The following MYOCD variants were observed in gnomAD, a reference collection of about 807,000 sequenced individuals.
MYOCD encodes the protein myocardin.
A neutral mutation model predicts 96.1 loss-of-function variants in MYOCD; 32 were observed. That is an observed-to-expected ratio of 0.33 (90% CI 0.25 to 0.45). The LOEUF (loss-of-function observed/expected upper bound fraction) is 0.45. Ranked by LOEUF, MYOCD falls within the 20% of genes least tolerant of loss-of-function variation. The pLI, the probability that MYOCD is intolerant of heterozygous loss-of-function variation, is 1.00. For missense variants in MYOCD, 1,133 were observed against 1,200.6 expected, an observed-to-expected ratio of 0.94 and a Z score of 0.83; for synonymous variants, 469 against 469.0, an observed-to-expected ratio of 1.00 and a Z score of 0.00.
chr17:12,677,606 G>T (rs1910157067), intron 1 of MYOCD, among the ~76,000 whole-genome samples: 1 of 151,576 alleles, frequency 6.6e-6, no homozygotes, highest in African/African-American at 2.4e-5. Context: ...CAGCTACTAG[G>T]GAAGCTGAGG....
intron 1 of MYOCD, among the ~76,000 whole-genome samples, chr17:12,702,092 C>T (rs1254073637): frequency 6.6e-6 from 1 of 151,908 alleles, no homozygotes. Context: ...TCCTCTATGT[C>T]ATTAGTATTT....
chr17:12,722,400 G>A (rs902230455), intron 4 of MYOCD, among the ~76,000 whole-genome samples: 1 of 152,002 alleles, frequency 6.6e-6, no homozygotes, highest in Non-Finnish European at 1.5e-5. Flanking sequence ...TGACTCAGTC[G>A]GTCACAGCAT....
chr17:12,676,052 A>G (rs1272744855), intron 1 of MYOCD, among the ~76,000 whole-genome samples: 9 of 152,312 alleles, frequency 5.9e-5, no homozygotes, highest in African/African-American at 1.7e-4. Flanking sequence ...CGCCTAAAAC[A>G]TAAGAAGAAA....
chr17:12,690,730 A>G (rs892702687), intron 1 of MYOCD, among the ~76,000 whole-genome samples: 2 of 152,180 alleles, frequency 1.3e-5, no homozygotes, highest in Non-Finnish European at 2.9e-5. Context: ...GTCTCCAGGA[A>G]GGGGACGAGG....
intron 2 of MYOCD, among the ~76,000 whole-genome samples, chr17:12,713,410 C>G (rs1335280580): frequency 5.9e-5 from 9 of 152,172 alleles, no homozygotes. Context: ...AACCCCAAGC[C>G]CAGTTAAAAC....
Position 12,752,949 on chromosome 17 carries a change from G to A in MYOCD, c.1661G>A (p.Arg554Lys), listed in dbSNP as rs1429564009. The A allele has an allele frequency of 1.9e-6, 3 of 1,614,130 alleles. No homozygotes were observed. ...AGGATGCAGCTTCAGAAGCAGAAAA[G>A]GAATAACTGTTCAGAGAAGAAGCCG... is the stretch of plus-strand genomic sequence containing the variant. ...ELRMQLQKQK[R>K]NNCSEKKPLP... Residue 554 changes from arginine to lysine, a missense_variant, in exon 10 of 14, where the codon AGG (arginine) becomes AAG (lysine). Transcript: ENST00000425538.
chr17:12,675,883 A>AATCG (rs942737108), intron 1 of MYOCD, among the ~76,000 whole-genome samples: 4 of 152,100 alleles, frequency 2.6e-5, no homozygotes, highest in African/African-American at 7.2e-5. Flanking sequence ...TCAATCAATC[A>AATCG]TATTTATATA....
chr17:12,684,346 A>AC (rs2029978247), intron 1 of MYOCD, among the ~76,000 whole-genome samples: 1 of 152,172 alleles, frequency 6.6e-6, no homozygotes. Context: ...ATGCCGGTGT[A>AC]GCCCTCTTTC....
chr17:12,707,389 T>TTA (rs1555531303), intron 2 of MYOCD, among the ~76,000 whole-genome samples: 1 of 151,720 alleles, frequency 6.6e-6, no homozygotes, highest in Non-Finnish European at 1.5e-5. Flanking sequence ...AGTCAAGATA[T>TTA]TAGGGGGAAA....
chr17:12,747,020 G>C (rs894434004), intron 9 of MYOCD, among the ~76,000 whole-genome samples: 3 of 130,988 alleles, frequency 2.3e-5, no homozygotes, highest in African/African-American at 8.5e-5. Flanking sequence ...GAGCCACCCT[G>C]CCCAGCCCCT....
chr17:12,670,645 A>G (rs572641545), intron 1 of MYOCD, among the ~76,000 whole-genome samples: 105 of 152,318 alleles, frequency 6.9e-4, no homozygotes, highest in Non-Finnish European at 1.3e-3. Context: ...ATATTTATGT[A>G]TGTACATATA....
At chr17:12,711,886 G>T (rs1330879333) in intron 2 of MYOCD, among the ~76,000 whole-genome samples, 1 of 151,846 alleles carries the variant, frequency 6.6e-6, no homozygotes, top group African/African-American at 2.4e-5. Context: ...TGATTCTGTG[G>T]GGCTGGGTTG....
intron 5 of MYOCD, 97 bp downstream of exon 5, chr17:12,723,105 C>T (rs2031895786): frequency 8.4e-7 from 1 of 1,195,540 alleles, no homozygotes; most frequent in South Asian, 1.5e-5. Context: ...ATGAGGGCCT[C>T]TCACCAGATA....
intron 1 of MYOCD, among the ~76,000 whole-genome samples, chr17:12,687,674 A>G (rs2030201759): frequency 6.6e-6 from 1 of 152,238 alleles, no homozygotes; most frequent in Admixed American, 6.5e-5. Context: ...TGGTCAAACC[A>G]TGTATTCTGG....
intron 1 of MYOCD, among the ~76,000 whole-genome samples, chr17:12,686,901 G>A (rs1254740151): frequency 2.6e-5 from 4 of 152,286 alleles, no homozygotes; most frequent in Admixed American, 6.5e-5. Context: ...AGAAAGCTTC[G>A]AAGGACCCAG....
chr17:12,721,431 T>A (rs1179236001), intron 4 of MYOCD, among the ~76,000 whole-genome samples: 1 of 152,134 alleles, frequency 6.6e-6, no homozygotes, highest in Non-Finnish European at 1.5e-5. Context: ...GCGAAAGAGA[T>A]CTATAAGAAC....
intron 9 of MYOCD, among the ~76,000 whole-genome samples, chr17:12,750,778 T>C (rs2032831216): frequency 6.6e-6 from 1 of 152,230 alleles, no homozygotes; most frequent in African/African-American, 2.4e-5. Flanking sequence ...AATAGATATA[T>C]ATTCATTAGA....
intron 9 of MYOCD, among the ~76,000 whole-genome samples, chr17:12,747,996 C>G (rs1360856527): frequency 1.3e-5 from 2 of 151,042 alleles, no homozygotes; most frequent in Non-Finnish European, 2.9e-5. Flanking sequence ...AACCCCATCT[C>G]TACGAAAAAT....
At chr17:12,710,800 G>T (rs1047419035) in intron 2 of MYOCD, among the ~76,000 whole-genome samples, 35 of 152,128 alleles carry the variant, frequency 2.3e-4, no homozygotes, top group African/African-American at 8.5e-4. Flanking sequence ...CAAATTCAGA[G>T]ATAGAAAAAG....
Sources: allele counts gnomAD v4.1 joint callset (sites outside exome capture counted in the v4.1 genomes callset), GRCh38; gene constraint gnomAD v4.1.1; transcripts MANE v1.5; gene names NCBI Gene and HGNC (gene_info 2026-07-23, HGNC 2026-07-21).